LRP2: variants seen among roughly 807,000 people sequenced by gnomAD.
LRP2 encodes the protein low-density lipoprotein receptor-related protein 2.
A neutral mutation model predicts 531.0 loss-of-function variants in LRP2; 172 were observed. The ratio of observed to expected loss-of-function variants is 0.32; its 90% CI spans 0.29 to 0.37. LRP2 has a LOEUF of 0.37. Ranked by LOEUF, LRP2 falls within the 10% of genes least tolerant of loss-of-function variation. The pLI, the probability that LRP2 is intolerant of heterozygous loss-of-function variation, is 1.00. For missense variants in LRP2, 5,167 were observed against 5,868.3 expected, an observed-to-expected ratio of 0.88 and a Z score of 3.90; for synonymous variants, 1,992 against 2,027.6, an observed-to-expected ratio of 0.98 and a Z score of 0.47.
At chr2:169,354,296 G>T (rs1685933537) in intron 1 of LRP2, among the ~76,000 whole-genome samples, 1 of 152,146 alleles carries the variant, frequency 6.6e-6, no homozygotes, top group South Asian at 2.1e-4. Flanking sequence ...AAAGTTACCA[G>T]GAATCTTCAT....
intron 13 of LRP2, 33 bp downstream of exon 13, chr2:169,277,712 A>T: frequency 6.3e-7 from 1 of 1,585,532 alleles, no homozygotes; most frequent in Non-Finnish European, 8.7e-7. Flanking sequence ...CCTGCAACTT[A>T]TAAAGCCATA....
intron 50 of LRP2, among the ~76,000 whole-genome samples, chr2:169,184,700 T>C (rs1687565381): frequency 6.6e-6 from 1 of 152,186 alleles, no homozygotes; most frequent in African/African-American, 2.4e-5. Flanking sequence ...ATGTTAGCCA[T>C]TCTCCAGTTT....
At chr2:169,203,804 T>C (rs941383722) in intron 42 of LRP2, among the ~76,000 whole-genome samples, 178 bp downstream of exon 42, 1 of 152,126 alleles carries the variant, frequency 6.6e-6, no homozygotes, top group African/African-American at 2.4e-5. Context: ...TCCATATAGA[T>C]TAGAAAAGAA....
intron 25 of LRP2, 58 bp downstream of exon 25, chr2:169,240,930 C>T (rs775629606): frequency 1.9e-6 from 3 of 1,596,724 alleles, no homozygotes; most frequent in Admixed American, 1.7e-5. Context: ...TGGTGATGCA[C>T]ACCAGGCTAC....
chr2:169,270,835 G>C (rs971764144), intron 16 of LRP2, 69 bp downstream of exon 16: 1 of 1,042,256 alleles, frequency 9.6e-7, no homozygotes, highest in South Asian at 1.5e-5. Flanking sequence ...TTATCAAGTT[G>C]TAAGTATCAT....
chr2:169,170,716 C>CA (rs1558992855), intron 58 of LRP2, 49 bp from the exon 59 acceptor site: 1 of 1,285,328 alleles, frequency 7.8e-7, no homozygotes, highest in South Asian at 1.2e-5. Context: ...GAATCACATA[C>CA]AGGAGACATC....
At chr2:169,320,946 T>G in intron 1 of LRP2, 62 bp from the exon 2 acceptor site, 1 of 1,199,572 alleles carries the variant, frequency 8.3e-7, no homozygotes, top group Non-Finnish European at 1.2e-6. Flanking sequence ...CGAAGAAATA[T>G]AAATTTTTGA....
chr2:169,174,309 C>T (rs1687108427), intron 55 of LRP2, 145 bp from the exon 56 acceptor site: 8 of 921,308 alleles, frequency 8.7e-6, no homozygotes, highest in Non-Finnish European at 1.3e-5. Flanking sequence ...AGTACTACTA[C>T]ATGGAGCACT....
At chr2:169,279,239 G>C (rs2105449209) in intron 12 of LRP2, 133 bp downstream of exon 12, 1 of 705,002 alleles carries the variant, frequency 1.4e-6, no homozygotes, top group Non-Finnish European at 2.5e-6. Context: ...GCACAAAATA[G>C]ACATGGCTTC....
At position 169,247,488 on chromosome 2, in the gene LRP2, A is replaced by C; in HGVS notation, c.2798T>G (p.Leu933Arg). The part of the protein sequence containing the change: ...GEHLFFTDWR[L>R]GAIIRVRKAD... ...TTTCCTGACTCGAATAATGGCACCC[A>C]GTCTCCAGTCAGTAAAAAATAAATG... Residue 933 changes from leucine to arginine, a missense_variant, in exon 20 of 79, where the codon CTG becomes CGG. Leu to Arg is a moderately radical substitution (Grantham distance 102). Around this residue, in one of 6 missense-constraint regions of LRP2, gnomAD observed 2,811 missense variants for 3,058.0 expected, o/e 0.92. Transcript: ENST00000649046. 1.9e-6 allele frequency: 3 copies of C among 1,614,224 alleles called. 1 individual carries two copies.
At chr2:169,298,273 A>G (rs948791876) in intron 4 of LRP2, among the ~76,000 whole-genome samples, 1 of 152,148 alleles carries the variant, frequency 6.6e-6, no homozygotes, top group Admixed American at 6.6e-5. Flanking sequence ...CATGTGTCAA[A>G]GTACTCAATA....
At chr2:169,330,961 C>A (rs777497352) in intron 1 of LRP2, among the ~76,000 whole-genome samples, 2 of 152,172 alleles carry the variant, frequency 1.3e-5, no homozygotes, top group African/African-American at 2.4e-5. Context: ...ATTGGGCAAT[C>A]TCACGCTGCA....
intron 38 of LRP2, among the ~76,000 whole-genome samples, chr2:169,207,876 AC>A (rs1311023619): frequency 6.6e-6 from 1 of 152,216 alleles, no homozygotes; most frequent in East Asian, 1.9e-4. Context: ...GTAGAGAATG[AC>A]CACAAATTAT....
intron 47 of LRP2, 26 bp downstream of exon 47, chr2:169,193,735 C>A: frequency 6.2e-7 from 1 of 1,614,020 alleles, no homozygotes; most frequent in Non-Finnish European, 8.5e-7. Flanking sequence ...TGTGACTCTG[C>A]AGAGGAATTA....
In LRP2 at chr2:169,185,825, T is replaced by A; in HGVS notation, c.9523A>T (p.Ile3175Phe). ...QKCENVIGSY[I>F]CKCAPGYLRE... ...AGGTAGCCTGGGGCACACTTACAGA[T>A]GTAGGAGCCTATTACATTCTCACAC... Residue 3175 changes from isoleucine to phenylalanine, a missense_variant, in exon 50 of 79, where the codon ATC (isoleucine) becomes TTC (phenylalanine). Transcript: ENST00000649046. 6.2e-7 allele frequency: 1 copy of A among 1,614,006 alleles called. No individual in the cohort carries two copies. Among genetic ancestry groups the A allele is most frequent in the Non-Finnish European group, 8.5e-7 (1 of 1,179,972 alleles).
chr2:169,232,086 A>G (rs1270757039), intron 30 of LRP2, among the ~76,000 whole-genome samples: 1 of 152,192 alleles, frequency 6.6e-6, no homozygotes, highest in Non-Finnish European at 1.5e-5. Flanking sequence ...TCAAGGTTAC[A>G]GATCAATCCA....
At chr2:169,345,754 CAAAA>C (rs72365288) in intron 1 of LRP2, among the ~76,000 whole-genome samples, 1 of 111,444 alleles carries the variant, frequency 9.0e-6, no homozygotes, top group Admixed American at 9.9e-5. Flanking sequence ...AGGGGGCGGT[CAAAA>C]AAAAAAAAAA....
intron 1 of LRP2, among the ~76,000 whole-genome samples, chr2:169,330,015 T>C (rs576522242): frequency 3.4e-4 from 52 of 152,306 alleles, no homozygotes; most frequent in African/African-American, 1.2e-3. Flanking sequence ...GGGATCTAGG[T>C]TGTGCATTCC....
chr2:169,181,588 G>C lies in LRP2; in HGVS notation c.10029C>G (p.Arg3343=), dbSNP rs150166603. Residue 3343 remains arginine, a synonymous_variant, in exon 52 of 79, where the codon CGC becomes CGG. Transcript: ENST00000649046. ...GYLYWADWGH[R]AYIGRVGMDG... is the part of the protein sequence containing the mutation. Reference sequence around the variant, plus strand: ...CCATGCCTACTCTCCCAATGTATGCGCGGTGACCCCAGTCTGCCCAGTAGA... The same window carrying C: ...CCATGCCTACTCTCCCAATGTATGCCCGGTGACCCCAGTCTGCCCAGTAGA... 1.2e-6 allele frequency: 2 copies of C among 1,613,946 alleles called. No homozygotes were observed. The highest frequency in any genetic ancestry group is 1.3e-5 in the African/African-American group (1 of 74,886).
Sources: allele counts gnomAD v4.1 joint callset (sites outside exome capture counted in the v4.1 genomes callset), GRCh38; gene constraint gnomAD v4.1.1; regional missense constraint gnomAD v4.1.1; transcripts MANE v1.5; gene names NCBI Gene and HGNC (gene_info 2026-07-23, HGNC 2026-07-21).